The following NUMB variants were observed in gnomAD, a reference collection of about 807,000 sequenced individuals.
NUMB encodes the protein protein numb homolog.
In NUMB, 29 loss-of-function variants were observed where a neutral mutation model predicts 59.7. That is an observed-to-expected ratio of 0.49 (90% CI 0.36 to 0.66). NUMB has a LOEUF of 0.66. Ranked by LOEUF, NUMB falls within the 30% of genes least tolerant of loss-of-function variation. NUMB has a pLI of 0.00. For missense variants in NUMB, 723 were observed against 822.0 expected, an observed-to-expected ratio of 0.88 and a Z score of 1.47; for synonymous variants, 288 against 288.2, an observed-to-expected ratio of 1.00 and a Z score of 0.01.
chr14:73,444,855 C>CAAAA (rs11370548), intron 1 of NUMB, among the ~76,000 whole-genome samples: 2 of 118,488 alleles, frequency 1.7e-5, no homozygotes, highest in African/African-American at 3.2e-5. Flanking sequence ...CACTCCGTCT[C>CAAAA]AAAAAAAAAA....
intron 2 of NUMB, among the ~76,000 whole-genome samples, chr14:73,382,839 A>C (rs1351547955): frequency 1.3e-5 from 2 of 152,184 alleles, no homozygotes; most frequent in African/African-American, 4.8e-5. Context: ...GAAAAAAAGA[A>C]GACAATAGGA....
At chr14:73,284,427 G>A (rs532189143) in intron 9 of NUMB, 53 bp from the exon 10 acceptor site, 53 of 1,504,262 alleles carry the variant, frequency 3.5e-5, no homozygotes, top group Middle Eastern at 4.0e-4. Flanking sequence ...AATAATTTGC[G>A]TTTAGAGAGC....
intron 2 of NUMB, among the ~76,000 whole-genome samples, chr14:73,389,262 C>T: frequency 9.1e-6 from 1 of 110,040 alleles, no homozygotes; most frequent in African/African-American, 4.0e-5. Flanking sequence ...CAGAGCGAGA[C>T]TCCATCTCTC....
intron 2 of NUMB, among the ~76,000 whole-genome samples, chr14:73,390,473 C>T (rs1387199610): frequency 2.0e-5 from 3 of 151,968 alleles, no homozygotes; most frequent in South Asian, 2.1e-4. Context: ...TCTGTTCAAA[C>T]ATCAAAGATC....
chr14:73,364,212 T>G (rs1193749960), intron 3 of NUMB, among the ~76,000 whole-genome samples: 1 of 152,152 alleles, frequency 6.6e-6, no homozygotes, highest in African/African-American at 2.4e-5. Context: ...ATCAAAAATA[T>G]ATAGCAGGCC....
intron 2 of NUMB, among the ~76,000 whole-genome samples, chr14:73,372,566 A>G (rs1351784675): frequency 6.6e-6 from 1 of 150,752 alleles, no homozygotes; most frequent in African/African-American, 2.4e-5. Context: ...ATCCAACATC[A>G]CAGGGTTTAT....
intron 1 of NUMB, among the ~76,000 whole-genome samples, chr14:73,437,629 G>A (rs1047640535): frequency 3.9e-5 from 6 of 152,134 alleles, no homozygotes; most frequent in African/African-American, 1.2e-4. Flanking sequence ...ACAATAACAT[G>A]GATGAATCTC....
intron 2 of NUMB, among the ~76,000 whole-genome samples, chr14:73,369,357 A>T (rs929431509): frequency 6.6e-5 from 10 of 152,156 alleles, no homozygotes; most frequent in Non-Finnish European, 1.5e-4. Flanking sequence ...CATTTTCAAA[A>T]AGAAATTTGA....
intron 4 of NUMB, among the ~76,000 whole-genome samples, chr14:73,342,061 TA>T (rs889634274): frequency 7.9e-5 from 12 of 151,224 alleles, no homozygotes; most frequent in Non-Finnish European, 1.0e-4. Flanking sequence ...TCTTTAAATT[TA>T]AAAAAAAAAT....
At chr14:73,290,473 G>C (rs1262692026) in intron 8 of NUMB, among the ~76,000 whole-genome samples, 1 of 152,236 alleles carries the variant, frequency 6.6e-6, no homozygotes, top group East Asian at 1.9e-4. Context: ...GTAAGAACCA[G>C]AATCAGAACT....
Position 73,382,316 on chromosome 14 carries a change from T to C in NUMB, c.-100-15335A>G, listed in dbSNP as rs1895284713. Among the ~76,000 whole-genome samples the C allele has an allele frequency of 2.0e-5, 3 of 152,186 alleles. No individual in the cohort carries two copies. The South Asian group carries it at 6.2e-4, about 32-fold the overall frequency. On this transcript the variant is annotated intron_variant, in intron 2 of 12. Transcript: ENST00000555238. ...CGCATGCCATCATGCCTGGCTAATT[T>C]TTGTATTTTTAGTAGAGACAGGGTT... is the stretch of plus-strand genomic sequence containing the variant.
intron 1 of NUMB, among the ~76,000 whole-genome samples, chr14:73,419,661 G>C (rs919584243): frequency 1.3e-5 from 2 of 152,222 alleles, no homozygotes; most frequent in Non-Finnish European, 2.9e-5. Flanking sequence ...AAGTAAAACG[G>C]GGAGCTAAGT....
rs1277023940 is a variant in NUMB at position 73,386,864 on chromosome 14, CTTATTTTTT to C, written c.-100-19892_-100-19884del. Reference sequence around the variant, plus strand: ...TAATACAAGACAATCTATCAGGTGTCTTATTTTTTTTTTTTTTTTTTTTTTTTTTTTTTT... The same window carrying C: ...TAATACAAGACAATCTATCAGGTGTCTTTTTTTTTTTTTTTTTTTTTTTTT... On this transcript the variant is annotated intron_variant, in intron 2 of 12. Transcript: ENST00000555238. Among the ~76,000 whole-genome samples the C allele has an allele frequency of 7.5e-3, 551 of 73,788 alleles. 4 individuals carry two copies. Among genetic ancestry groups the C allele is most frequent in the South Asian group, 0.042 (75 of 1,782 alleles). The allele number at this position is 73,788 out of a possible 152,430, so 48.4% of individuals were successfully genotyped here. A position where few individuals can be genotyped will look rare whatever the true frequency, so the allele number is the denominator to read the frequency against.
intron 2 of NUMB, among the ~76,000 whole-genome samples, chr14:73,391,728 G>C (rs1407546065): frequency 3.3e-5 from 5 of 152,168 alleles, no homozygotes; most frequent in Non-Finnish European, 7.3e-5. Context: ...GCACATTTGA[G>C]AACTATTTAT....
intron 4 of NUMB, among the ~76,000 whole-genome samples, chr14:73,345,991 T>A (rs1339211541): frequency 6.6e-6 from 1 of 152,166 alleles, no homozygotes; most frequent in African/African-American, 2.4e-5. Flanking sequence ...GTAACTTGAA[T>A]AGCATATTTC....
At chr14:73,444,855 CAAA>C (rs11370548) in intron 1 of NUMB, among the ~76,000 whole-genome samples, 3 of 118,492 alleles carry the variant, frequency 2.5e-5, no homozygotes. Flanking sequence ...CACTCCGTCT[CAAA>C]AAAAAAAAAA....
intron 4 of NUMB, among the ~76,000 whole-genome samples, chr14:73,330,981 C>A (rs2139946995): frequency 6.6e-6 from 1 of 152,238 alleles, no homozygotes; most frequent in African/African-American, 2.4e-5. Flanking sequence ...GGCCTGAGAA[C>A]CTGGGGGTGC....
intron 3 of NUMB, among the ~76,000 whole-genome samples, chr14:73,356,477 T>C (rs1172610858): frequency 2.0e-5 from 3 of 152,090 alleles, no homozygotes; most frequent in Non-Finnish European, 4.4e-5. Flanking sequence ...ACCCCGCCTC[T>C]ACTAAAACTA....
rs1255769792 is a variant in NUMB at position 73,445,369 on chromosome 14, A to G, written c.-233+13124T>C. 7.3e-4 allele frequency among the ~76,000 whole-genome samples: 89 copies of G among 122,074 alleles called. 4 individuals carry two copies. Among genetic ancestry groups the G allele is most frequent in the Non-Finnish European group, 1.6e-4 (9 of 57,030 alleles). The allele number at this position is 122,074 out of a possible 152,430, so 80.1% of individuals were successfully genotyped here. A position where few individuals can be genotyped will look rare whatever the true frequency, so the allele number is the denominator to read the frequency against. ...GACCCTGTCTCAAAAAAAAAAAAAAAAAAAAAAAAAAAAAAAAAAAAAAAA... is the reference window on the plus strand; with the variant it reads ...GACCCTGTCTCAAAAAAAAAAAAAAGAAAAAAAAAAAAAAAAAAAAAAAAA... On this transcript the variant is annotated intron_variant, in intron 1 of 12. Transcript: ENST00000555238.
Sources: allele counts gnomAD v4.1 joint callset (sites outside exome capture counted in the v4.1 genomes callset), GRCh38; gene constraint gnomAD v4.1.1; transcripts MANE v1.5; gene names NCBI Gene and HGNC (gene_info 2026-07-23, HGNC 2026-07-21).